MANBA: variants seen among roughly 807,000 people sequenced by gnomAD.
MANBA encodes the protein mannosidase beta.
MANBA carries 83 observed loss-of-function variants against 111.1 expected under a neutral mutation model. The ratio of observed to expected loss-of-function variants is 0.75; its 90% CI spans 0.63 to 0.90. The LOEUF (loss-of-function observed/expected upper bound fraction) is 0.90, where lower values mean the gene tolerates loss of function less well. MANBA is among the 40% of genes least tolerant of loss of function. The pLI is 0.00. For synonymous variants in MANBA, 370 were observed against 378.7 expected (o/e 0.98, Z 0.27); for missense variants, 1,036 against 1,069.0 (o/e 0.97, Z 0.43).
chr4:102,741,913 T>C (rs1224435231), intron 1 of MANBA, among the ~76,000 whole-genome samples: 2 of 152,138 alleles, frequency 1.3e-5, no homozygotes. Flanking sequence ...GGTCATGGTT[T>C]TTTTCCTGGT....
intron 7 of MANBA, among the ~76,000 whole-genome samples, chr4:102,688,295 G>GCACACA (rs112932815): frequency 4.3e-4 from 63 of 146,428 alleles, no homozygotes; most frequent in African/African-American, 1.5e-3. Flanking sequence ...GCGTGCGCGC[G>GCACACA]CACACACACA....
rs1340306287 is a variant in MANBA at position 102,668,960 on chromosome 4, T to C, written c.1317+3A>G. On this transcript the variant is annotated splice_donor_region_variant and intron_variant, in intron 10 of 16. Transcript: ENST00000647097. ...ATTTCTTCTTGGAAGGGTAGTAACA[T>C]ACCTGGTAGGCAACTTCTGCTGTCA... 2.0e-5 allele frequency: 32 copies of C among 1,605,246 alleles called. No individual in the cohort carries two copies. The highest frequency in any genetic ancestry group is 2.6e-5 in the Non-Finnish European group (30 of 1,172,324).
At chr4:102,738,103 C>G (rs1356481326) in intron 1 of MANBA, among the ~76,000 whole-genome samples, 2 of 152,232 alleles carry the variant, frequency 1.3e-5, no homozygotes, top group African/African-American at 4.8e-5. Context: ...GCAGCTAGTG[C>G]TTTCTTGACA....
At chr4:102,677,461 A>T (rs1731776453) in intron 7 of MANBA, among the ~76,000 whole-genome samples, 2 of 152,226 alleles carry the variant, frequency 1.3e-5, no homozygotes, top group Admixed American at 1.3e-4. Context: ...TCAAGAAACA[A>T]ACATTTTCCA....
chr4:102,728,157 C>A, intron 1 of MANBA: 1 of 539,146 alleles, frequency 1.9e-6, no homozygotes. Flanking sequence ...GCGTTTCCTG[C>A]TAACTTCTCA....
chr4:102,719,600 C>G (rs1722484242), intron 4 of MANBA, among the ~76,000 whole-genome samples: 1 of 152,140 alleles, frequency 6.6e-6, no homozygotes, highest in Non-Finnish European at 1.5e-5. Flanking sequence ...TGTTCATTAC[C>G]TGTAATTATA....
chr4:102,741,813 G>A (rs1723413978), intron 1 of MANBA, among the ~76,000 whole-genome samples: 1 of 152,100 alleles, frequency 6.6e-6, no homozygotes, highest in Admixed American at 6.5e-5. Flanking sequence ...CTACACATTG[G>A]GTGCACTGTA....
At chr4:102,745,472 G>A (rs1288620925) in intron 1 of MANBA, among the ~76,000 whole-genome samples, 4 of 152,096 alleles carry the variant, frequency 2.6e-5, no homozygotes, top group African/African-American at 7.2e-5. Flanking sequence ...CAAAGCGTTG[G>A]TCAAGGGTGT....
chr4:102,689,387 T>A (rs1732373888), intron 7 of MANBA, among the ~76,000 whole-genome samples, 187 bp downstream of exon 7: 1 of 148,772 alleles, frequency 6.7e-6, no homozygotes, highest in Admixed American at 6.7e-5. Flanking sequence ...TATGTGTGTG[T>A]GTATATATAT....
chr4:102,729,663 C>T, intron 1 of MANBA: 6 of 1,491,866 alleles, frequency 4.0e-6, no homozygotes, highest in Non-Finnish European at 5.6e-6. Context: ...CTCCACCAGC[C>T]CGGGCATGTT....
chr4:102,687,249 A>G (rs1180880442), intron 7 of MANBA, among the ~76,000 whole-genome samples: 1 of 151,964 alleles, frequency 6.6e-6, no homozygotes, highest in Non-Finnish European at 1.5e-5. Context: ...CTGTAGACCA[A>G]CCAATCCTCA....
At chr4:102,688,195 C>T (rs1306015088) in intron 7 of MANBA, among the ~76,000 whole-genome samples, 2 of 152,134 alleles carry the variant, frequency 1.3e-5, no homozygotes. Flanking sequence ...CACACATCCT[C>T]TCAGCCAAGA....
rs777415626 is a variant in MANBA, at chr4:102,689,661, C to T, written c.873G>A (p.Trp291Ter). 2 of 1,603,816 alleles carry T rather than the reference C, an allele frequency of 1.2e-6. No individual in the cohort carries two copies. Among genetic ancestry groups the T allele is most frequent in the Non-Finnish European group, 1.7e-6 (2 of 1,171,018 alleles). The change falls in exon 7 of 17, where the codon TGG (tryptophan) becomes TGA (stop). Residue 291 changes from tryptophan (W) to a stop codon, truncating the protein, a stop_gained. Transcript: ENST00000647097. LOFTEE classifies it high-confidence loss of function. Reference protein sequence around the residue: ...ISKNITVETWWPHGHGNQTGY... With the variant: ...ISKNITVETW Reference sequence around the variant, plus strand: ...CAGTCTGGTTTCCATGTCCATGAGGCCACCAAGTTTCTACAGTAATATTCT... The same window carrying T: ...CAGTCTGGTTTCCATGTCCATGAGGTCACCAAGTTTCTACAGTAATATTCT...
intron 15 of MANBA, 68 bp from the exon 16 acceptor site, chr4:102,635,113 G>A: frequency 6.4e-7 from 1 of 1,552,628 alleles, no homozygotes; most frequent in Non-Finnish European, 8.9e-7. Flanking sequence ...AACAATAGTA[G>A]TAATAATTGC....
rs6839064 is a variant in MANBA, at chr4:102,634,519, T to C, written c.2415+269A>G. Reference sequence around the variant, plus strand: ...TGCAGGCAGTGGTGATGACTCGAGCTTCCTCTCCCATCACTGCACCTGCCC... The same window carrying C: ...TGCAGGCAGTGGTGATGACTCGAGCCTCCTCTCCCATCACTGCACCTGCCC... On this transcript the variant is annotated intron_variant, in intron 16 of 16. Coordinates refer to ENST00000647097, the MANE Select transcript of MANBA (RefSeq NM_005908.4). 0.55 allele frequency among the ~76,000 whole-genome samples: 83,600 copies of C among 152,040 alleles called. 23,434 individuals carry two copies. Among genetic ancestry groups the C allele is most frequent in the African/African-American group, 0.63 (26,203 of 41,440 alleles).
chr4:102,719,628 T>C (rs1722485824), intron 4 of MANBA, among the ~76,000 whole-genome samples: 1 of 152,204 alleles, frequency 6.6e-6, no homozygotes, highest in Admixed American at 6.5e-5. Context: ...GCCTCCAAAA[T>C]AGATATCACC....
intron 1 of MANBA, among the ~76,000 whole-genome samples, chr4:102,731,854 C>A (rs1014784625): frequency 6.6e-6 from 1 of 151,822 alleles, no homozygotes; most frequent in South Asian, 2.1e-4. Context: ...AGACCCAAGT[C>A]TGCCTCTTCA....
At chr4:102,681,587 G>A (rs1474087252) in intron 7 of MANBA, 1 of 152,116 alleles carries the variant, frequency 6.6e-6, no homozygotes, top group Admixed American at 6.5e-5. Context: ...TTTCTCAACT[G>A]TAAATTTAAA....
At chr4:102,752,652 T>TA in intron 1 of MANBA, 1 of 562,302 alleles carries the variant, frequency 1.8e-6, no homozygotes, top group Non-Finnish European at 3.6e-6. Flanking sequence ...AAGTGAATGA[T>TA]AAATTGATCA....
Sources: gnomAD v4.1 joint callset for allele counts (sites outside exome capture counted in the v4.1 genomes callset) on GRCh38, gnomAD v4.1.1 for gene constraint, MANE v1.5 for transcripts, NCBI Gene and HGNC (gene_info 2026-07-23, HGNC 2026-07-21) for gene names.